Variants in LRCH2 observed in about 807,000 individuals in gnomAD.
LRCH2 encodes the protein leucine-rich repeat and calponin homology domain-containing protein 2.
LRCH2 carries 38 observed loss-of-function variants against 68.9 expected under a neutral mutation model. That is an observed-to-expected ratio of 0.55 (90% confidence interval 0.43 to 0.72). The LOEUF (loss-of-function observed/expected upper bound fraction) is 0.72. Among genes scored for constraint, LRCH2 ranks in the 30% least tolerant of loss-of-function variants. The pLI, the probability that LRCH2 is intolerant of heterozygous loss-of-function variation, is 0.00. For synonymous variants in LRCH2, 191 were observed against 208.1 expected (o/e 0.92, Z 0.71); for missense variants, 528 against 572.9 (o/e 0.92, Z 0.80).
chrX:115,212,149 A>G (rs1184601381), intron 1 of LRCH2, among the ~76,000 whole-genome samples: 1 of 111,734 alleles, frequency 8.9e-6, no homozygotes, highest in African/African-American at 3.3e-5. Flanking sequence ...AGCAGAAGAC[A>G]TGAGACTCCC....
At chrX:115,118,316 TA>T (rs1256552948) in intron 20 of LRCH2, among the ~76,000 whole-genome samples, 3 of 109,149 alleles carry the variant, frequency 2.7e-5, no homozygotes, top group African/African-American at 1.0e-4. Context: ...ATAGACACAA[TA>T]AAAAATGATA....
At chrX:115,207,309 T>C (rs1490896537) in intron 1 of LRCH2, among the ~76,000 whole-genome samples, 1 of 109,740 alleles carries the variant, frequency 9.1e-6, no homozygotes, top group East Asian at 2.9e-4. Context: ...GAGGCCCAGG[T>C]GGGAGGATCA....
chrX:115,190,840 G>A (rs1202502317), intron 1 of LRCH2: 1 of 1,155,353 alleles, frequency 8.7e-7, no homozygotes, highest in Non-Finnish European at 1.2e-6. Flanking sequence ...CTGCTGCGGA[G>A]GAGGAGGCCG....
chrX:115,232,342 A>T (rs17326513), intron 1 of LRCH2, among the ~76,000 whole-genome samples: 2 of 111,449 alleles, frequency 1.8e-5, no homozygotes. Flanking sequence ...TTTGAAGAAC[A>T]CACCAAGTTG....
At chrX:115,172,738 A>ATC (rs2072613469) in intron 5 of LRCH2, among the ~76,000 whole-genome samples, 1 of 99,061 alleles carries the variant, frequency 1.0e-5, no homozygotes, top group South Asian at 5.0e-4. Context: ...GTATCAAATC[A>ATC]TCTCTTACTT....
At chrX:115,130,619 T>C (rs1276596189) in intron 14 of LRCH2, among the ~76,000 whole-genome samples, 3 of 110,717 alleles carry the variant, frequency 2.7e-5, no homozygotes, top group African/African-American at 9.8e-5. Flanking sequence ...ATCTTACACC[T>C]GGTCTATAAT....
intron 11 of LRCH2, 65 bp from the exon 12 acceptor site, chrX:115,156,732 A>G (rs782302824): frequency 1.8e-5 from 12 of 651,790 alleles, no homozygotes; most frequent in African/African-American, 9.3e-5. Flanking sequence ...TGATATAAAA[A>G]AAATCTCTAA....
chrX:115,168,678 T>C (rs939274514), intron 6 of LRCH2, among the ~76,000 whole-genome samples: 1 of 111,362 alleles, frequency 9.0e-6, no homozygotes, highest in African/African-American at 3.3e-5. Flanking sequence ...TTTTCATCTG[T>C]ATTGCAATTA....
At chrX:115,232,252 A>G (rs1393932046) in intron 1 of LRCH2, among the ~76,000 whole-genome samples, 4 of 99,957 alleles carry the variant, frequency 4.0e-5, no homozygotes, top group African/African-American at 1.1e-4. Context: ...GAACAATAAG[A>G]AAAAAAAAAA....
At chrX:115,211,768 C>CCA (rs55653791) in intron 1 of LRCH2, among the ~76,000 whole-genome samples, 8 of 111,198 alleles carry the variant, frequency 7.2e-5, no homozygotes, top group Non-Finnish European at 1.1e-4. Context: ...CACACCCCCC[C>CCA]AAGATTGCTT....
At chrX:115,188,687 C>T (rs1460612057) in intron 1 of LRCH2, among the ~76,000 whole-genome samples, 2 of 110,773 alleles carry the variant, frequency 1.8e-5, no homozygotes, top group African/African-American at 6.6e-5. Context: ...AAAAATTAGC[C>T]GGATGTGATG....
chrX:115,196,891 G>A (rs1204307029), intron 1 of LRCH2, among the ~76,000 whole-genome samples: 1 of 111,120 alleles, frequency 9.0e-6, no homozygotes, highest in Admixed American at 9.5e-5. Flanking sequence ...ACAGGAGCCA[G>A]CATATGCTGT....
intron 2 of LRCH2, among the ~76,000 whole-genome samples, 166 bp from the exon 3 acceptor site, chrX:115,184,703 A>T (rs2072719064): frequency 8.9e-6 from 1 of 112,466 alleles, no homozygotes. Context: ...AATTTCTTAT[A>T]TGCACTGTCT....
chrX:115,201,654 G>T (rs781966692), intron 1 of LRCH2, among the ~76,000 whole-genome samples: 14 of 111,911 alleles, frequency 1.3e-4, no homozygotes, highest in Non-Finnish European at 2.3e-4. Flanking sequence ...AGTACTGGAA[G>T]TCCTAGCCAG....
intron 2 of LRCH2, among the ~76,000 whole-genome samples, chrX:115,187,681 T>C (rs782105902): frequency 8.9e-6 from 1 of 112,526 alleles, no homozygotes; most frequent in East Asian, 2.8e-4. Context: ...GCCTGGCACA[T>C]GGTAAGCACT....
chrX:115,141,767 A>T (rs1242264904), intron 14 of LRCH2, among the ~76,000 whole-genome samples: 1 of 107,699 alleles, frequency 9.3e-6, no homozygotes, highest in Admixed American at 9.9e-5. Context: ...CCAGCTACTC[A>T]GGAGGCTGAG....
intron 5 of LRCH2, among the ~76,000 whole-genome samples, chrX:115,172,752 ATTTT>A (rs35680669): frequency 1.2e-5 from 1 of 82,764 alleles, no homozygotes; most frequent in Admixed American, 1.5e-4. Context: ...CTTACTTTCT[ATTTT>A]TTTTTTTTTT....
At chrX:115,179,867 C>T (rs185904153) in intron 3 of LRCH2, 116 bp from the exon 4 acceptor site, 32 of 232,187 alleles carry the variant, frequency 1.4e-4, no homozygotes, top group African/African-American at 8.0e-4. Context: ...AAAAGTTATC[C>T]TCTAATGTCA....
In LRCH2 at chrX:115,124,013, AT is replaced by A; in HGVS notation, c.1792-12del. On this transcript the variant is annotated splice_polypyrimidine_tract_variant and intron_variant, in intron 16 of 20. Coordinates refer to ENST00000317135, the MANE Select transcript of LRCH2 (RefSeq NM_020871.4). Reference sequence around the variant, plus strand: ...AGTTCTGTCATATTCCTAAAAAAAAATTAAAAAGTTAAAAATAAATAAATAA... The same window carrying A: ...AGTTCTGTCATATTCCTAAAAAAAAATAAAAAGTTAAAAATAAATAAATAA... The A allele has an allele frequency of 1.0e-6, 1 of 990,309 alleles. No homozygotes were observed. Among genetic ancestry groups the A allele is most frequent in the African/African-American group, 2.0e-5 (1 of 50,862 alleles). 81.6% of individuals were successfully genotyped at this position (990,309 alleles called of 1,213,427 possible).
Sources: gnomAD v4.1 joint callset for allele counts (sites outside exome capture counted in the v4.1 genomes callset) on GRCh38, gnomAD v4.1.1 for gene constraint, MANE v1.5 for transcripts, NCBI Gene and HGNC (gene_info 2026-07-23, HGNC 2026-07-21) for gene names.